The following GPC6 variants were observed in gnomAD, a reference collection of about 807,000 sequenced individuals.
GPC6 encodes the protein glypican-6.
In GPC6, 14 loss-of-function variants were observed where a neutral mutation model predicts 55.2. The ratio of observed to expected loss-of-function variants is 0.25; its 90% confidence interval spans 0.17 to 0.40. The LOEUF (loss-of-function observed/expected upper bound fraction) is 0.40, where lower values mean the gene tolerates loss of function less well. Among genes scored for constraint, GPC6 ranks in the 10% least tolerant of loss-of-function variants. The probability of loss-of-function intolerance (pLI) is 1.00; values close to 1 mark genes in which losing one functional copy is unlikely to be tolerated. For synonymous variants in GPC6, 278 were observed against 259.6 expected, an observed-to-expected ratio of 1.07 and a Z score of -0.68; for missense variants, 641 against 708.5, an observed-to-expected ratio of 0.90 and a Z score of 1.08.
chr13:93,686,250 T>C (rs1455657195), intron 2 of GPC6, among the ~76,000 whole-genome samples: 1 of 152,180 alleles, frequency 6.6e-6, no homozygotes, highest in African/African-American at 2.4e-5. Context: ...CAACTTCTGA[T>C]AATACTAATG....
intron 1 of GPC6, among the ~76,000 whole-genome samples, chr13:93,250,742 A>G (rs1385582034): frequency 6.6e-6 from 1 of 152,160 alleles, no homozygotes; most frequent in Non-Finnish European, 1.5e-5. Context: ...TCTTCACAGA[A>G]TCCTAGGCAG....
intron 1 of GPC6, among the ~76,000 whole-genome samples, chr13:93,499,471 C>G (rs1234685499): frequency 2.6e-5 from 4 of 152,202 alleles, no homozygotes; most frequent in African/African-American, 9.7e-5. Flanking sequence ...TGAGAAAGAA[C>G]TGCCATCCTC....
At chr13:93,728,808 T>C (rs572290406) in intron 2 of GPC6, among the ~76,000 whole-genome samples, 1 of 152,240 alleles carries the variant, frequency 6.6e-6, no homozygotes, top group African/African-American at 2.4e-5. Flanking sequence ...CTCAGGTGTA[T>C]CCGCCTACCT....
intron 4 of GPC6, among the ~76,000 whole-genome samples, chr13:94,184,220 A>G (rs1209856300): frequency 6.6e-6 from 1 of 152,176 alleles, no homozygotes; most frequent in Non-Finnish European, 1.5e-5. Context: ...AACCTTAGCT[A>G]AGAATTTTTG....
chr13:93,659,259 A>C (rs547804542), intron 2 of GPC6, among the ~76,000 whole-genome samples: 1 of 151,862 alleles, frequency 6.6e-6, no homozygotes, highest in Non-Finnish European at 1.5e-5. Context: ...AGGGTATGTT[A>C]TTTCTAATGT....
intron 4 of GPC6, among the ~76,000 whole-genome samples, chr13:94,098,115 G>A (rs780454399): frequency 2.6e-5 from 4 of 152,142 alleles, no homozygotes; most frequent in Non-Finnish European, 4.4e-5. Flanking sequence ...ATGAAAATCA[G>A]ACATGCTGCT....
In GPC6 at chr13:93,893,871, G is replaced by A. The variant is rs545000182; in HGVS notation, c.711+63326G>A. Among the ~76,000 whole-genome samples the A allele has an allele frequency of 2.6e-5, 4 of 152,194 alleles. No homozygotes were observed. The East Asian group carries it at 5.8e-4, about 22-fold the overall frequency. On this transcript the variant is annotated intron_variant, in intron 3 of 8. Coordinates refer to ENST00000377047, the MANE Select transcript of GPC6 (RefSeq NM_005708.5). ...CACTTCAATCTATTTTCCAAAGCCC[G>A]TGATAACACTCTTCCACAAAAAACA... is the stretch of plus-strand genomic sequence containing the variant.
At chr13:93,330,908 C>CT (rs1879821427) in intron 1 of GPC6, among the ~76,000 whole-genome samples, 1 of 152,106 alleles carries the variant, frequency 6.6e-6, no homozygotes, top group African/African-American at 2.4e-5. Flanking sequence ...AGTTCTATCA[C>CT]TTTTTTTGGC....
intron 1 of GPC6, among the ~76,000 whole-genome samples, chr13:93,390,801 T>TAA (rs879499878): frequency 6.9e-6 from 1 of 145,620 alleles, no homozygotes. Flanking sequence ...TTACTGTCAT[T>TAA]AAAAAAAAAA....
intron 4 of GPC6, among the ~76,000 whole-genome samples, chr13:94,198,400 C>G (rs1053725661): frequency 2.6e-5 from 4 of 152,102 alleles, no homozygotes; most frequent in Non-Finnish European, 5.9e-5. Flanking sequence ...TTCTCTCATC[C>G]TAAGAAACGA....
intron 1 of GPC6, among the ~76,000 whole-genome samples, chr13:93,317,956 T>C (rs985372565): frequency 1.3e-5 from 2 of 152,198 alleles, no homozygotes; most frequent in Non-Finnish European, 2.9e-5. Context: ...CCACTCACTC[T>C]TAATGCTTTT....
intron 4 of GPC6, among the ~76,000 whole-genome samples, chr13:94,105,566 C>G (rs1886023428): frequency 6.6e-6 from 1 of 152,102 alleles, no homozygotes. Flanking sequence ...GGTATAACCT[C>G]AGGACCTTTG....
chr13:93,658,265 T>G (rs926258166), intron 2 of GPC6, among the ~76,000 whole-genome samples: 2 of 152,032 alleles, frequency 1.3e-5, no homozygotes, highest in African/African-American at 4.8e-5. Flanking sequence ...AATTCATTGT[T>G]TTTGCCTATT....
In GPC6 at chr13:93,240,301, T is replaced by C. The variant is rs140449288; in HGVS notation, c.160+12685T>C. On this transcript the variant is annotated intron_variant, in intron 1 of 8. Transcript: ENST00000377047. ...GTATTTGTTTTACAAATCCGGAAGC[T>C]CTGGTGTTAGGTGTATGTTTATTTA... is the stretch of plus-strand genomic sequence containing the variant. 6.5e-3 allele frequency among the ~76,000 whole-genome samples: 986 copies of C among 152,304 alleles called. 7 individuals carry two copies. The highest frequency in any genetic ancestry group is 0.041 in the Middle Eastern group (12 of 294).
chr13:93,917,901 A>G (rs1811928), intron 3 of GPC6, among the ~76,000 whole-genome samples: 55,221 of 152,008 alleles, frequency 0.36, 10,233 homozygotes, highest in Middle Eastern at 0.49. Flanking sequence ...GTTCGAGACT[A>G]GCCTGGCCAA....
chr13:93,405,520 A>G (rs1876253461), intron 1 of GPC6, among the ~76,000 whole-genome samples: 2 of 152,176 alleles, frequency 1.3e-5, no homozygotes, highest in African/African-American at 4.8e-5. Context: ...CTTAGTTTCT[A>G]ATGTAATGCT....
At chr13:93,802,340 AC>A (rs1886402056) in intron 2 of GPC6, among the ~76,000 whole-genome samples, 1 of 152,062 alleles carries the variant, frequency 6.6e-6, no homozygotes, top group Non-Finnish European at 1.5e-5. Flanking sequence ...TCACTCAGAC[AC>A]TTCCCCTTCC....
At chr13:93,446,965 G>T (rs1012559859) in intron 1 of GPC6, among the ~76,000 whole-genome samples, 9 of 151,664 alleles carry the variant, frequency 5.9e-5, no homozygotes, top group African/African-American at 2.2e-4. Context: ...AATTTTTTTG[G>T]GGGGGTGGGT....
chr13:93,687,022 A>G (rs1882075176), intron 2 of GPC6, among the ~76,000 whole-genome samples: 1 of 152,046 alleles, frequency 6.6e-6, no homozygotes, highest in Non-Finnish European at 1.5e-5. Context: ...AAATACTGTA[A>G]CAAATATCTT....
Sources: gnomAD v4.1 joint callset for allele counts (sites outside exome capture counted in the v4.1 genomes callset) on GRCh38, gnomAD v4.1.1 for gene constraint, MANE v1.5 for transcripts, NCBI Gene and HGNC (gene_info 2026-07-23, HGNC 2026-07-21) for gene names.